Variants in PLEKHA6 observed in about 807,000 individuals in gnomAD.
PLEKHA6 encodes the protein pleckstrin homology domain-containing family A member 6.
Under a neutral mutation model 116.7 loss-of-function variants are expected in PLEKHA6, and 60 were observed. That is an observed-to-expected ratio of 0.51 (90% CI 0.42 to 0.64). The LOEUF is 0.64. PLEKHA6 is among the 30% of genes least tolerant of loss of function. The pLI, the probability that PLEKHA6 is intolerant of heterozygous loss-of-function variation, is 0.00. For missense variants in PLEKHA6, 1,338 were observed against 1,422.7 expected, an observed-to-expected ratio of 0.94 and a Z score of 0.96; for synonymous variants, 489 against 556.1, an observed-to-expected ratio of 0.88 and a Z score of 1.70.
At chr1:204,374,050 T>A (rs560871412) in intron 1 of PLEKHA6, among the ~76,000 whole-genome samples, 18 of 152,234 alleles carry the variant, frequency 1.2e-4, no homozygotes, top group African/African-American at 4.3e-4. Context: ...CCCCCTCAGA[T>A]TCCCATCTAT....
chr1:204,361,050 G>A (rs898276383), upstream of PLEKHA6, among the ~76,000 whole-genome samples: 4 of 151,868 alleles, frequency 2.6e-5, no homozygotes, highest in African/African-American at 4.8e-5. Context: ...AGGCAGGCTC[G>A]CTGGTCTCAG....
rs1366091753 is a variant in PLEKHA6, at chr1:204,220,253, C to G, written c.*2535G>C. 1 of 152,272 alleles carries G rather than the reference C, an allele frequency of 6.6e-6. No homozygotes were observed. Among genetic ancestry groups the G allele is most frequent in the African/African-American group, 2.4e-5 (1 of 41,468 alleles). The allele number at this position is 152,272 out of a possible 1,614,324, so 9.4% of individuals were successfully genotyped here. A position where few individuals can be genotyped will look rare whatever the true frequency, so the allele number is the denominator to read the frequency against. ...CCTGCATGGGTCTCCTTTGTGCATA[C>G]AACTGCAAACAGTTCCTTCCAGAGG... On this transcript the variant is annotated 3_prime_UTR_variant, in exon 23 of 23. Transcript: ENST00000272203.
intron 1 of PLEKHA6, among the ~76,000 whole-genome samples, chr1:204,292,542 T>C (rs937846420): frequency 2.0e-5 from 3 of 151,926 alleles, no homozygotes; most frequent in Non-Finnish European, 2.9e-5. Context: ...CCCACCTATG[T>C]CCCTCACCCT....
chr1:204,248,724 G>A (rs1434582733), intron 12 of PLEKHA6, 97 bp downstream of exon 12: 2 of 1,154,668 alleles, frequency 1.7e-6, no homozygotes, highest in East Asian at 2.4e-5. Flanking sequence ...CTTGTCCTCT[G>A]AGGAAAACTG....
rs1224079512 is a variant in PLEKHA6, at chr1:204,249,166, C to G, written c.1674+18G>C. The G allele has an allele frequency of 6.2e-7, 1 of 1,604,956 alleles. No homozygotes were observed. Among genetic ancestry groups the G allele is most frequent in the Non-Finnish European group, 8.5e-7 (1 of 1,172,110 alleles). ...CTCGCCCATCTGCCCCAGCTTAAAG[C>G]CACCCCCAGCTTCTCACCTTCTCAG... On this transcript the variant is annotated intron_variant, in intron 11 of 22. Transcript: ENST00000272203.
chr1:204,248,968 C>G lies in PLEKHA6; in HGVS notation c.1677G>C (p.Glu559Asp). 1 of 1,613,872 alleles carries G rather than the reference C, an allele frequency of 6.2e-7. No homozygotes were observed. The highest frequency in any genetic ancestry group is 8.5e-7 in the Non-Finnish European group (1 of 1,179,890). Residue 559 changes from glutamate (E) to aspartate (D), a missense_variant and splice_region_variant, in exon 12 of 23, where the codon GAG becomes GAC. Around this residue, in one of 3 missense-constraint regions of PLEKHA6, gnomAD observed 1,136 missense variants for 1,163.6 expected, o/e 0.98. Transcript: ENST00000272203. ...TCCCCATCAAGGCACTTTCCAGGCT[C>G]TCCTGAAGAAAGGCAGGGGAATGAC... ...RLVQQLRAEK[E>D]SLESALMGTH...
At chr1:204,323,653 A>G (rs967224587) in intron 1 of PLEKHA6, among the ~76,000 whole-genome samples, 6 of 152,230 alleles carry the variant, frequency 3.9e-5, no homozygotes, top group Non-Finnish European at 7.3e-5. Flanking sequence ...CTGGTGCATA[A>G]TAGGTGCTCA....
intron 21 of PLEKHA6, 95 bp downstream of exon 21, chr1:204,227,988 G>T: frequency 1.6e-6 from 2 of 1,273,306 alleles, no homozygotes; most frequent in Non-Finnish European, 2.2e-6. Context: ...GTATCTCTTT[G>T]CTACTGCCCC....
At chr1:204,283,022 C>T (rs79895924) in intron 1 of PLEKHA6, among the ~76,000 whole-genome samples, 2,621 of 152,290 alleles carry the variant, frequency 0.017, 76 homozygotes, top group African/African-American at 0.059. Context: ...CCCACCGCCC[C>T]GCCGCCTTCC....
intron 1 of PLEKHA6, among the ~76,000 whole-genome samples, chr1:204,284,142 G>C (rs1668928856): frequency 6.6e-6 from 1 of 152,192 alleles, no homozygotes; most frequent in African/African-American, 2.4e-5. Flanking sequence ...CTACTGGCCA[G>C]CCAGACTCTG....
Position 204,257,449 on chromosome 1 carries a change from T to C in PLEKHA6, c.1428A>G (p.Ser476=). The C allele has an allele frequency of 6.4e-7, 1 of 1,569,290 alleles. No individual in the cohort carries two copies. Among genetic ancestry groups the C allele is most frequent in the South Asian group, 1.2e-5 (1 of 85,756 alleles). The change falls in exon 9 of 23, where the codon TCA becomes TCG. Residue 476 remains serine, a synonymous_variant. Coordinates refer to ENST00000272203, the MANE Select transcript of PLEKHA6 (RefSeq NM_014935.5). The surrounding 1 kb of genome is among the most constrained non-coding windows in gnomAD (Gnocchi z 6.5). ...GCAGCCGCTCAAAACGGGCACTGGG[T>C]GAGCGGACAGGGGAGTAAATGCGGG... is the stretch of plus-strand genomic sequence containing the variant. ...SRARIYSPVR[S]PSARFERLPP...
At chr1:204,327,014 A>T (rs1672265864) in intron 1 of PLEKHA6, 1 of 985,170 alleles carries the variant, frequency 1.0e-6, no homozygotes, top group Non-Finnish European at 1.2e-6. Context: ...TTTGTGGACA[A>T]AGCAGCTACT....
intron 21 of PLEKHA6, among the ~76,000 whole-genome samples, chr1:204,227,103 G>A (rs1291078707): frequency 2.6e-5 from 4 of 152,140 alleles, no homozygotes; most frequent in African/African-American, 9.7e-5. Flanking sequence ...AACATGAAAC[G>A]CCATCCCTTC....
intron 1 of PLEKHA6, among the ~76,000 whole-genome samples, chr1:204,346,553 C>G (rs2103340192): frequency 6.6e-6 from 1 of 152,284 alleles, no homozygotes. Flanking sequence ...CCCACACTCA[C>G]AGTTGGGTCA....
Position 204,259,825 on chromosome 1 carries a change from G to A in PLEKHA6, c.525-85C>T, listed in dbSNP as rs781099065. 2.6e-4 allele frequency: 374 copies of A among 1,433,544 alleles called. No individual in the cohort carries two copies. Among genetic ancestry groups the A allele is most frequent in the Non-Finnish European group, 3.3e-4 (350 of 1,069,682 alleles). The allele number at this position is 1,433,544 out of a possible 1,614,324, so 88.8% of individuals were successfully genotyped here. ...GGGTGCCAGACTGGGAAGAAGAGGA[G>A]TGGGGAAGGATGGGCAGGGAGGTGG... On this transcript the variant is annotated intron_variant, in intron 7 of 22. Transcript: ENST00000272203. This position sits in a 1 kb window ranked among gnomAD's most constrained non-coding sequence, Gnocchi z 4.6.
chr1:204,347,394 C>T (rs2103345199), intron 1 of PLEKHA6: 1 of 562,588 alleles, frequency 1.8e-6, no homozygotes, highest in South Asian at 2.1e-5. Context: ...TCCCTAAACA[C>T]TGCTGTTATC....
In PLEKHA6 at chr1:204,228,950, T is replaced by A; in HGVS notation, c.2738A>T (p.Asp913Val). The change falls in exon 19 of 23, where the codon GAC (aspartate) becomes GTC (valine). Residue 913 changes from aspartate (D) to valine (V), a missense_variant. Asp to Val is a radical substitution (Grantham distance 152). Coordinates refer to ENST00000272203, the MANE Select transcript of PLEKHA6 (RefSeq NM_014935.5). The surrounding 1 kb of genome is among the most constrained non-coding windows in gnomAD (Gnocchi z 4.0). ...MELEPQHYDV[D>V]INKELSTPDK... The stretch of plus-strand genomic sequence containing the variant: ...GGCTCCACTCACCTCCTTATTGATG[T>A]CCACGTCATAATGCTGGGGCTCTAG... 6.2e-7 allele frequency: 1 copy of A among 1,614,126 alleles called. No individual in the cohort carries two copies. The highest frequency in any genetic ancestry group is 8.5e-7 in the Non-Finnish European group (1 of 1,180,018).
At chr1:204,293,326 G>A (rs976034120) in intron 1 of PLEKHA6, among the ~76,000 whole-genome samples, 6 of 152,182 alleles carry the variant, frequency 3.9e-5, no homozygotes, top group Middle Eastern at 3.4e-3. Context: ...GTAGAGATAC[G>A]GTTTCACCAT....
At position 204,250,558 on chromosome 1, in the gene PLEKHA6, C is replaced by G; in HGVS notation, c.1581G>C (p.Glu527Asp). The change falls in exon 10 of 23, where the codon GAG becomes GAC. Residue 527 changes from glutamate to aspartate, a missense_variant. Glu to Asp is a conservative substitution (Grantham distance 45). This residue lies in a region of PLEKHA6 where 1,136 missense variants were observed against 1,163.6 expected (regional missense o/e 0.98). Transcript: ENST00000272203. ...GCGCTGCTCTTACATCTGTGTCTTG[C>G]TCGTTTAACTTGTAGGTGTGGAGGC... Reference protein sequence around the residue: ...RDSLHTYKLNEQDTDKLLGKL... With the variant: ...RDSLHTYKLNDQDTDKLLGKL... 6 of 1,612,464 alleles carry G rather than the reference C, an allele frequency of 3.7e-6. No individual in the cohort carries two copies. Among genetic ancestry groups the G allele is most frequent in the Non-Finnish European group, 5.1e-6 (6 of 1,179,136 alleles).
Sources: allele counts gnomAD v4.1 joint callset (sites outside exome capture counted in the v4.1 genomes callset), GRCh38; gene constraint gnomAD v4.1.1; regional missense constraint gnomAD v4.1.1; non-coding constraint Gnocchi (gnomAD v3.1); transcripts MANE v1.5; gene names NCBI Gene and HGNC (gene_info 2026-07-23, HGNC 2026-07-21).